The following SSUH2 variants were observed in gnomAD, a reference collection of about 807,000 sequenced individuals.
The protein encoded by SSUH2 is ssu-2 homolog, also known as protein SSUH2 homolog.
A neutral mutation model predicts 55.3 loss-of-function variants in SSUH2; 47 were observed. The ratio of observed to expected loss-of-function variants is 0.85; its 90% CI spans 0.67 to 1.08. SSUH2 has a LOEUF of 1.08. Among genes scored for constraint, SSUH2 ranks in the 50% least tolerant of loss-of-function variants. The probability of loss-of-function intolerance (pLI) is 0.00; values close to 1 mark genes in which losing one functional copy is unlikely to be tolerated. For synonymous variants in SSUH2, 212 were observed against 191.5 expected, an observed-to-expected ratio of 1.11 and a Z score of -0.89; for missense variants, 535 against 490.7, an observed-to-expected ratio of 1.09 and a Z score of -0.85.
chr3:8,632,137 A>C, intron 4 of SSUH2, 28 bp from the exon 5 acceptor site: 2 of 1,593,538 alleles, frequency 1.3e-6, no homozygotes, highest in Non-Finnish European at 1.7e-6. Context: ...GCATGTTCAC[A>C]CTCGTGCCCC....
intron 3 of SSUH2, among the ~76,000 whole-genome samples, chr3:8,674,631 C>G (rs1196223037): frequency 6.6e-6 from 1 of 152,284 alleles, no homozygotes; most frequent in East Asian, 1.9e-4. Flanking sequence ...AGGAGGACAT[C>G]AAGTCATTCA....
upstream of SSUH2, among the ~76,000 whole-genome samples, chr3:8,648,515 C>A (rs887914633): frequency 1.3e-5 from 2 of 152,146 alleles, no homozygotes; most frequent in African/African-American, 4.8e-5. Context: ...CCTAGCCAAT[C>A]CTGAACCTTT....
upstream of SSUH2, chr3:8,644,809 C>T (rs747391986): frequency 8.6e-5 from 131 of 1,520,506 alleles, no homozygotes; most frequent in Non-Finnish European, 3.9e-5. Context: ...GTGCTTGGAC[C>T]GATGTGCTCT....
intron 6 of SSUH2, among the ~76,000 whole-genome samples, chr3:8,630,490 A>T (rs973282877): frequency 2.0e-5 from 3 of 152,212 alleles, no homozygotes; most frequent in Non-Finnish European, 4.4e-5. Context: ...TTTAAGCTAA[A>T]ATAAATTTTT....
chr3:8,678,164 C>G (rs1483283840), intron 2 of SSUH2, among the ~76,000 whole-genome samples: 4 of 152,040 alleles, frequency 2.6e-5, no homozygotes, highest in Non-Finnish European at 5.9e-5. Context: ...GGGGTTTCCA[C>G]TTTCTGCCAT....
chr3:8,654,686 A>G (rs1702754369), intron 7 of SSUH2, among the ~76,000 whole-genome samples: 1 of 152,184 alleles, frequency 6.6e-6, no homozygotes, highest in African/African-American at 2.4e-5. Context: ...CCAAGGTCTC[A>G]GTGTGCGGCC....
intron 6 of SSUH2, 140 bp from the exon 7 acceptor site, chr3:8,629,866 A>G: frequency 1.3e-6 from 1 of 759,992 alleles, no homozygotes; most frequent in Non-Finnish European, 2.3e-6. Context: ...GGCCCTTCCC[A>G]TTTGACTAAG....
intron 5 of SSUH2, among the ~76,000 whole-genome samples, chr3:8,669,650 G>A (rs922939263): frequency 2.0e-5 from 3 of 152,202 alleles, no homozygotes; most frequent in African/African-American, 2.4e-5. Flanking sequence ...AGCAACAGAT[G>A]TGCCAATAGC....
chr3:8,668,217 T>C (rs1704173128), intron 5 of SSUH2, among the ~76,000 whole-genome samples: 1 of 152,176 alleles, frequency 6.6e-6, no homozygotes, highest in African/African-American at 2.4e-5. Flanking sequence ...GCCAGGTTAA[T>C]TTCCCTGTAG....
intron 1 of SSUH2, among the ~76,000 whole-genome samples, chr3:8,642,300 T>C (rs920734652): frequency 2.0e-5 from 3 of 152,212 alleles, no homozygotes; most frequent in African/African-American, 4.8e-5. Flanking sequence ...TCTAGGATTG[T>C]TGAAGAAACA....
At chr3:8,625,679 C>T (rs201603747) in intron 9 of SSUH2, 32 bp from the exon 10 acceptor site, 2 of 1,471,402 alleles carry the variant, frequency 1.4e-6, no homozygotes, top group African/African-American at 1.4e-5. Context: ...GATGAAAGCA[C>T]ACAGTGTGGC....
chr3:8,672,394 A>G (rs1457845171), intron 3 of SSUH2, among the ~76,000 whole-genome samples: 11 of 151,890 alleles, frequency 7.2e-5, no homozygotes, highest in Non-Finnish European at 1.5e-4. Flanking sequence ...TGGGGGTAAT[A>G]TCATCCTCTT....
chr3:8,673,381 G>A lies in SSUH2; in HGVS notation c.-752-1346C>T, dbSNP rs557968296. The stretch of plus-strand genomic sequence containing the variant: ...ACCCCTCCCTCGGCTGCTCGTTTAC[G>A]ATGCAAAACGGGGATCCAAATGCCA... On this transcript the variant is annotated intron_variant, in intron 3 of 18. Coordinates refer to the SSUH2 transcript ENST00000317371. Among the ~76,000 whole-genome samples, 22 of 152,054 alleles carry A rather than the reference G, an allele frequency of 1.4e-4. No homozygotes were observed. In the South Asian group the frequency reaches 4.4e-3, roughly 30 times the overall value.
intron 4 of SSUH2, among the ~76,000 whole-genome samples, chr3:8,633,173 C>T (rs1403768643): frequency 4.1e-4 from 47 of 115,818 alleles, no homozygotes; most frequent in African/African-American, 1.3e-3. Context: ...GTTGGAGTTT[C>T]GTTCTTGTTG....
chr3:8,639,283 C>A (rs2125237926), intron 1 of SSUH2, among the ~76,000 whole-genome samples: 1 of 152,332 alleles, frequency 6.6e-6, no homozygotes, highest in East Asian at 1.9e-4. Flanking sequence ...CTAACACACA[C>A]ATTGTGTCCC....
chr3:8,666,745 G>C (rs1323138167), intron 5 of SSUH2, among the ~76,000 whole-genome samples: 1 of 152,176 alleles, frequency 6.6e-6, no homozygotes, highest in Non-Finnish European at 1.5e-5. Flanking sequence ...CCCACAGGTT[G>C]AATACTCAGT....
Position 8,676,328 on chromosome 3 carries a change from C to T in SSUH2, c.-753+878G>A, listed in dbSNP as rs147036869. 3.9e-3 allele frequency among the ~76,000 whole-genome samples: 597 copies of T among 152,136 alleles called. 3 individuals carry two copies. Among genetic ancestry groups the T allele is most frequent in the African/African-American group, 0.013 (535 of 41,514 alleles). On this transcript the variant is annotated intron_variant, in intron 3 of 18. Transcript: ENST00000317371. ...TTCTACTCCCTGCGATATCGCGTGT[C>T]ATATCCTCCTCTCCCACGTTGCAAT...
At chr3:8,637,224 G>T (rs1184267121) in intron 1 of SSUH2, among the ~76,000 whole-genome samples, 1 of 152,112 alleles carries the variant, frequency 6.6e-6, no homozygotes, top group East Asian at 1.9e-4. Flanking sequence ...ACTTATGATG[G>T]GTGTATTGGG....
chr3:8,650,763 A>G (rs370508), intron 7 of SSUH2, among the ~76,000 whole-genome samples: 121,925 of 152,120 alleles, frequency 0.8, 49,472 homozygotes, highest in Middle Eastern at 0.88. Context: ...AAAACTGACC[A>G]GTGACAGCTC....
Sources: gnomAD v4.1 joint callset for allele counts (sites outside exome capture counted in the v4.1 genomes callset) on GRCh38, gnomAD v4.1.1 for gene constraint, MANE v1.5 for transcripts, NCBI Gene and HGNC (gene_info 2026-07-23, HGNC 2026-07-21) for gene names.